Variants in PHLPP1 observed in about 807,000 individuals in gnomAD.
PHLPP1 encodes PH domain and leucine rich repeat protein phosphatase 1.
PHLPP1 carries 42 observed loss-of-function variants against 117.2 expected under a neutral mutation model. That is an observed-to-expected ratio of 0.36 (90% CI 0.28 to 0.46). The LOEUF (loss-of-function observed/expected upper bound fraction) is 0.46, where lower values mean the gene tolerates loss of function less well. PHLPP1 is among the 20% of genes least tolerant of loss of function. The probability of loss-of-function intolerance (pLI) is 1.00; values close to 1 mark genes in which losing one functional copy is unlikely to be tolerated. For synonymous variants in PHLPP1, 1,042 were observed against 970.7 expected, an observed-to-expected ratio of 1.07 and a Z score of -1.37; for missense variants, 2,084 against 2,241.9, an observed-to-expected ratio of 0.93 and a Z score of 1.42.
At chr18:62,855,898 C>T (rs932752363) in intron 3 of PHLPP1, among the ~76,000 whole-genome samples, 9 of 152,200 alleles carry the variant, frequency 5.9e-5, no homozygotes, top group Non-Finnish European at 1.0e-4. Context: ...GTCTTCTGGC[C>T]ATTCTTCCAG....
At chr18:62,893,315 G>T (rs1294760643) in intron 4 of PHLPP1, among the ~76,000 whole-genome samples, 1 of 152,198 alleles carries the variant, frequency 6.6e-6, no homozygotes, top group Non-Finnish European at 1.5e-5. Context: ...AAAGTGCTGG[G>T]ATTACAGGTA....
chr18:62,793,743 G>A (rs972330220), intron 1 of PHLPP1, among the ~76,000 whole-genome samples: 1 of 152,154 alleles, frequency 6.6e-6, no homozygotes, highest in African/African-American at 2.4e-5. Flanking sequence ...GAGAGGTGGA[G>A]CCAGGACTCA....
intron 8 of PHLPP1, among the ~76,000 whole-genome samples, chr18:62,912,080 C>G (rs1486621422): frequency 1.7e-5 from 2 of 115,586 alleles, no homozygotes; most frequent in African/African-American, 6.6e-5. Flanking sequence ...CATATTCTCA[C>G]TCATAGGTGG....
intron 1 of PHLPP1, among the ~76,000 whole-genome samples, chr18:62,747,491 C>G (rs544027843): frequency 1.2e-4 from 18 of 151,062 alleles, no homozygotes; most frequent in Middle Eastern, 3.4e-3. Context: ...CCTACCTTCC[C>G]TCCTCTCCCA....
At chr18:62,861,183 C>G (rs1915624429) in intron 4 of PHLPP1, among the ~76,000 whole-genome samples, 1 of 152,028 alleles carries the variant, frequency 6.6e-6, no homozygotes, top group South Asian at 2.1e-4. Context: ...GATCTCGGCT[C>G]ACTGCAACCT....
At chr18:62,823,884 C>T (rs2144324959) in intron 1 of PHLPP1, among the ~76,000 whole-genome samples, 1 of 152,218 alleles carries the variant, frequency 6.6e-6, no homozygotes, top group South Asian at 2.1e-4. Flanking sequence ...GTAATTCCAG[C>T]ACTTCGGGAG....
intron 12 of PHLPP1, among the ~76,000 whole-genome samples, chr18:62,954,195 G>C (rs906807006): frequency 2.0e-5 from 3 of 151,912 alleles, no homozygotes; most frequent in Admixed American, 2.0e-4. Context: ...TTTTTCTGAG[G>C]GTTGCATAAT....
intron 16 of PHLPP1, 100 bp downstream of exon 16, chr18:62,975,725 C>T: frequency 2.7e-6 from 2 of 745,382 alleles, no homozygotes; most frequent in South Asian, 1.7e-5. Context: ...TCAAAGAACA[C>T]TTTTGAAGTT....
intron 1 of PHLPP1, among the ~76,000 whole-genome samples, chr18:62,719,723 A>G (rs559720375): frequency 2.6e-5 from 4 of 152,248 alleles, no homozygotes; most frequent in Non-Finnish European, 4.4e-5. Context: ...TTGTTTACGT[A>G]TAGTTGGGGT....
intron 10 of PHLPP1, among the ~76,000 whole-genome samples, chr18:62,929,085 A>C (rs1184811462): frequency 2.0e-5 from 3 of 152,206 alleles, no homozygotes; most frequent in Admixed American, 6.5e-5. Flanking sequence ...AGTTTGTGAA[A>C]AAAACTAAAA....
intron 1 of PHLPP1, among the ~76,000 whole-genome samples, chr18:62,732,484 C>G (rs918840006): frequency 6.6e-6 from 1 of 152,132 alleles, no homozygotes; most frequent in Non-Finnish European, 1.5e-5. Context: ...AATATTACTG[C>G]CCACTGAAAA....
At chr18:62,840,621 A>G (rs556318715) in intron 3 of PHLPP1, among the ~76,000 whole-genome samples, 33 of 152,332 alleles carry the variant, frequency 2.2e-4, no homozygotes, top group Middle Eastern at 3.4e-3. Context: ...TGCTTTGTTC[A>G]GAATAAAATG....
rs376314377 is a variant in PHLPP1, at chr18:62,978,354, C to T, written c.4077C>T (p.Ser1359=). The T allele has an allele frequency of 8.0e-5, 129 of 1,612,542 alleles. 1 individual carries two copies. The highest frequency in any genetic ancestry group is 5.0e-5 in the Admixed American group (3 of 59,886). ...PSVVPRPHVQ[S]VLLTPQDEFF... is the part of the protein sequence containing the mutation. The stretch of plus-strand genomic sequence containing the variant: ...TGGTGCCTCGCCCCCACGTGCAGTC[C>T]GTGCTCCTGACTCCCCAGGATGAGT... The change falls in exon 17 of 17, where the codon TCC becomes TCT. Residue 1359 remains serine (S), a synonymous_variant. Transcript: ENST00000262719. This position sits in a 1 kb window ranked among gnomAD's most constrained non-coding sequence, Gnocchi z 7.0.
intron 1 of PHLPP1, among the ~76,000 whole-genome samples, chr18:62,790,371 C>G (rs918035053): frequency 6.6e-6 from 1 of 152,146 alleles, no homozygotes; most frequent in Non-Finnish European, 1.5e-5. Flanking sequence ...TTATGAATAT[C>G]ATTTATTATA....
chr18:62,892,037 G>A (rs1440506113), intron 4 of PHLPP1, among the ~76,000 whole-genome samples: 3 of 147,624 alleles, frequency 2.0e-5, no homozygotes, highest in South Asian at 2.1e-4. Context: ...AGTAAGAAAA[G>A]TGTCATTGTT....
intron 1 of PHLPP1, among the ~76,000 whole-genome samples, chr18:62,751,472 G>T (rs1876966082): frequency 6.6e-6 from 1 of 152,196 alleles, no homozygotes; most frequent in African/African-American, 2.4e-5. Flanking sequence ...GCATGCAGAG[G>T]AGAGTCATTT....
chr18:62,976,499 GA>G (rs1346854233), intron 16 of PHLPP1, among the ~76,000 whole-genome samples: 1 of 152,236 alleles, frequency 6.6e-6, no homozygotes, highest in Non-Finnish European at 1.5e-5. Context: ...GTAGGTCACA[GA>G]AATCATTTAC....
chr18:62,921,004 AGAGGTTAATTTCAAC>A (rs1444474013), intron 10 of PHLPP1, among the ~76,000 whole-genome samples: 4 of 152,206 alleles, frequency 2.6e-5, no homozygotes, highest in Non-Finnish European at 5.9e-5. Flanking sequence ...AATGGGAGGG[AGAGGTTAATTTCAAC>A]ATTAAATGAA....
At chr18:62,766,048 T>G (rs1599034646) in intron 1 of PHLPP1, among the ~76,000 whole-genome samples, 2 of 57,680 alleles carry the variant, frequency 3.5e-5, no homozygotes. Context: ...GCGACAGAGC[T>G]AGACTCCATC....
Sources: gnomAD v4.1 joint callset for allele counts (sites outside exome capture counted in the v4.1 genomes callset) on GRCh38, gnomAD v4.1.1 for gene constraint, Gnocchi (gnomAD v3.1) non-coding constraint, MANE v1.5 for transcripts, NCBI Gene and HGNC (gene_info 2026-07-23, HGNC 2026-07-21) for gene names.